The following KIF6 variants were observed in gnomAD, a reference collection of about 807,000 sequenced individuals.
KIF6 encodes the protein kinesin-like protein KIF6.
In KIF6, 106 loss-of-function variants were observed where a neutral mutation model predicts 112.7. The ratio of observed to expected loss-of-function variants is 0.94; its 90% CI spans 0.80 to 1.11. The LOEUF (loss-of-function observed/expected upper bound fraction) is 1.11. KIF6 is among the 50% of genes least tolerant of loss of function. The pLI, the probability that KIF6 is intolerant of heterozygous loss-of-function variation, is 0.00. For synonymous variants in KIF6, 339 were observed against 339.9 expected, an observed-to-expected ratio of 1.00 and a Z score of 0.03; for missense variants, 929 against 964.0, an observed-to-expected ratio of 0.96 and a Z score of 0.48.
intron 13 of KIF6, among the ~76,000 whole-genome samples, chr6:39,530,996 A>G (rs772116430): frequency 1.3e-5 from 2 of 152,080 alleles, no homozygotes; most frequent in African/African-American, 2.4e-5. Flanking sequence ...CATCCACAAC[A>G]ATTTTCATCC....
chr6:39,575,443 T>G (rs1159873077), intron 10 of KIF6, among the ~76,000 whole-genome samples: 3 of 151,878 alleles, frequency 2.0e-5, no homozygotes, highest in African/African-American at 7.3e-5. Flanking sequence ...GCTAATTTTT[T>G]TGTATTTTTA....
intron 2 of KIF6, among the ~76,000 whole-genome samples, chr6:39,718,910 A>C (rs528957682): frequency 3.3e-4 from 50 of 152,318 alleles, no homozygotes; most frequent in Admixed American, 7.8e-4. Flanking sequence ...ACACAATAAG[A>C]AAATGAGGTG....
At chr6:39,651,041 T>A (rs1259915711) in intron 3 of KIF6, among the ~76,000 whole-genome samples, 1 of 152,194 alleles carries the variant, frequency 6.6e-6, no homozygotes, top group Non-Finnish European at 1.5e-5. Flanking sequence ...TTCACCTGTA[T>A]AACCTTCTAA....
chr6:39,428,965 C>T (rs1047380528), intron 14 of KIF6, among the ~76,000 whole-genome samples: 14 of 152,134 alleles, frequency 9.2e-5, no homozygotes, highest in African/African-American at 3.4e-4. Flanking sequence ...GAGTATGTCC[C>T]CTTATAAACA....
At chr6:39,341,167 T>C (rs1763306755) in intron 22 of KIF6, among the ~76,000 whole-genome samples, 1 of 152,138 alleles carries the variant, frequency 6.6e-6, no homozygotes, top group Non-Finnish European at 1.5e-5. Context: ...GGGTTGTATC[T>C]GCTCACTGCC....
chr6:39,418,516 G>A (rs180955658), intron 15 of KIF6, among the ~76,000 whole-genome samples: 1 of 152,162 alleles, frequency 6.6e-6, no homozygotes, highest in Non-Finnish European at 1.5e-5. Context: ...TAGCACAAAA[G>A]ATATTTTACA....
intron 4 of KIF6, among the ~76,000 whole-genome samples, chr6:39,636,228 C>T (rs1784617839): frequency 6.6e-6 from 1 of 151,902 alleles, no homozygotes; most frequent in African/African-American, 2.4e-5. Flanking sequence ...AAAATGGCTC[C>T]AATTATCCAA....
At chr6:39,383,621 A>G (rs1767161375) in intron 16 of KIF6, among the ~76,000 whole-genome samples, 2 of 152,220 alleles carry the variant, frequency 1.3e-5, no homozygotes, top group Non-Finnish European at 1.5e-5. Flanking sequence ...CTATTTGCTT[A>G]GGATGGCCTT....
At chr6:39,366,244 T>C (rs1765546849) in intron 16 of KIF6, among the ~76,000 whole-genome samples, 1 of 152,176 alleles carries the variant, frequency 6.6e-6, no homozygotes, top group Admixed American at 6.5e-5. Flanking sequence ...CTGGCAGACA[T>C]GATCACCTCT....
At chr6:39,357,444 A>G in intron 18 of KIF6, 70 bp from the exon 19 acceptor site, 1 of 882,516 alleles carries the variant, frequency 1.1e-6, no homozygotes, top group South Asian at 1.6e-5. Context: ...TTTTTGATGT[A>G]ATTCTTTTTT....
intron 13 of KIF6, among the ~76,000 whole-genome samples, chr6:39,523,596 C>T (rs1015306214): frequency 3.0e-5 from 4 of 134,002 alleles, no homozygotes; most frequent in African/African-American, 1.1e-4. Context: ...TGAGAAGTTC[C>T]CTAGGCCTCA....
intron 13 of KIF6, among the ~76,000 whole-genome samples, chr6:39,441,495 T>C (rs114938688): frequency 0.014 from 2,121 of 152,244 alleles, 19 homozygotes; most frequent in Non-Finnish European, 0.022. Context: ...TTCATGTTCC[T>C]CCACCTCCAG....
intron 3 of KIF6, among the ~76,000 whole-genome samples, chr6:39,678,945 T>C (rs575022833): frequency 8.6e-4 from 131 of 152,288 alleles, no homozygotes; most frequent in African/African-American, 2.9e-3. Context: ...GAGCAGTATT[T>C]CCTCCTAGAC....
At chr6:39,617,855 A>T in intron 5 of KIF6, 1 of 420,016 alleles carries the variant, frequency 2.4e-6, no homozygotes, top group Non-Finnish European at 4.9e-6. Flanking sequence ...GATATGTTTC[A>T]CATGTTGTAA....
At chr6:39,639,809 G>T (rs925003918) in intron 3 of KIF6, 52 bp from the exon 4 acceptor site, 48 of 1,483,388 alleles carry the variant, frequency 3.2e-5, no homozygotes, top group Non-Finnish European at 4.2e-5. Context: ...AACTGCATAT[G>T]AATTAAATGG....
intron 22 of KIF6, among the ~76,000 whole-genome samples, chr6:39,337,547 AAG>A (rs1485890203): frequency 2.0e-5 from 3 of 151,622 alleles, no homozygotes; most frequent in Admixed American, 6.6e-5. Context: ...TCCTGAGCTT[AAG>A]TGATCCTTCA....
intron 10 of KIF6, among the ~76,000 whole-genome samples, chr6:39,556,447 A>G (rs1403861734): frequency 4.6e-5 from 7 of 152,174 alleles, no homozygotes; most frequent in Non-Finnish European, 8.8e-5. Flanking sequence ...CGAAGGCTGA[A>G]TGAGCTGTGA....
At position 39,394,242 on chromosome 6, in the gene KIF6, T is replaced by G. The variant is rs539193571; in HGVS notation, c.1811-8570A>C. ...AAAGGCGCATGATTTACGATTCACA[T>G]AAAAGCTATATTTGTATATATTTAT... On this transcript the variant is annotated intron_variant, in intron 15 of 22. Transcript: ENST00000287152. Among the ~76,000 whole-genome samples, 28 of 152,286 alleles carry G rather than the reference T, an allele frequency of 1.8e-4. No individual in the cohort carries two copies. The South Asian group carries it at 5.6e-3, about 30-fold the overall frequency.
chr6:39,516,538 TAAAG>T (rs1777095650), intron 13 of KIF6, among the ~76,000 whole-genome samples: 1 of 150,192 alleles, frequency 6.7e-6, no homozygotes, highest in Non-Finnish European at 1.5e-5. Context: ...TATAAATAAA[TAAAG>T]GAAATGATCT....
Sources: allele counts gnomAD v4.1 joint callset (sites outside exome capture counted in the v4.1 genomes callset), GRCh38; gene constraint gnomAD v4.1.1; transcripts MANE v1.5; gene names NCBI Gene and HGNC (gene_info 2026-07-23, HGNC 2026-07-21).